PTPRN2: variants seen among roughly 807,000 people sequenced by gnomAD.
The protein encoded by PTPRN2 is receptor-type tyrosine-protein phosphatase N2.
PTPRN2 carries 74 observed loss-of-function variants against 118.8 expected under a neutral mutation model. The ratio of observed to expected loss-of-function variants is 0.62; its 90% CI spans 0.52 to 0.76. The LOEUF is 0.76. Among genes scored for constraint, PTPRN2 ranks in the 30% least tolerant of loss-of-function variants. The pLI is 0.00. For missense variants in PTPRN2, 1,481 were observed against 1,394.4 expected (o/e 1.06, Z -0.99); for synonymous variants, 641 against 608.0 (o/e 1.05, Z -0.80).
At chr7:157,642,104 A>C (rs75688486) in intron 14 of PTPRN2, among the ~76,000 whole-genome samples, 1 of 152,214 alleles carries the variant, frequency 6.6e-6, no homozygotes. Context: ...ACTCCCGTCA[A>C]GGACAGAGAC....
chr7:158,439,958 T>G (rs1816863318), intron 2 of PTPRN2, among the ~76,000 whole-genome samples: 3 of 152,228 alleles, frequency 2.0e-5, no homozygotes, highest in Admixed American at 6.5e-5. Flanking sequence ...TGGGGTTCTG[T>G]GACATCATGT....
chr7:157,726,658 T>C (rs1298711096), intron 12 of PTPRN2, among the ~76,000 whole-genome samples: 1 of 152,222 alleles, frequency 6.6e-6, no homozygotes, highest in East Asian at 1.9e-4. Flanking sequence ...ATAAATTGGG[T>C]TTGATGACAC....
chr7:158,274,854 G>T (rs1354657617), intron 3 of PTPRN2, among the ~76,000 whole-genome samples: 5 of 152,178 alleles, frequency 3.3e-5, no homozygotes, highest in Non-Finnish European at 7.4e-5. Flanking sequence ...TGTTTCTGAA[G>T]AATTCATTCC....
At chr7:158,353,942 G>A (rs1276215790) in intron 2 of PTPRN2, among the ~76,000 whole-genome samples, 1 of 152,190 alleles carries the variant, frequency 6.6e-6, no homozygotes, top group Non-Finnish European at 1.5e-5. Context: ...TGGGGCTACT[G>A]TCCCCAGCCC....
intron 12 of PTPRN2, among the ~76,000 whole-genome samples, chr7:157,812,644 C>G (rs1806129454): frequency 6.6e-6 from 1 of 152,114 alleles, no homozygotes; most frequent in Admixed American, 6.5e-5. Flanking sequence ...ATGGACGGCT[C>G]ATCTGTGCTT....
chr7:158,275,275 G>C (rs796840725), intron 3 of PTPRN2, among the ~76,000 whole-genome samples: 8 of 152,132 alleles, frequency 5.3e-5, no homozygotes, highest in Admixed American at 5.2e-4. Context: ...CCACTTCCTC[G>C]GAGGGCCTCT....
At chr7:158,429,835 C>T (rs1314265396) in intron 2 of PTPRN2, among the ~76,000 whole-genome samples, 1 of 152,222 alleles carries the variant, frequency 6.6e-6, no homozygotes, top group Non-Finnish European at 1.5e-5. Context: ...TCCAAATCTC[C>T]AAACAAAAGT....
intron 13 of PTPRN2, among the ~76,000 whole-genome samples, chr7:157,669,998 C>T (rs1033287504): frequency 1.3e-5 from 2 of 152,314 alleles, no homozygotes; most frequent in East Asian, 3.9e-4. Context: ...CCTCGCTGAG[C>T]CCCTGCACAC....
At chr7:158,121,998 C>A (rs1159913205) in intron 9 of PTPRN2, among the ~76,000 whole-genome samples, 1 of 152,192 alleles carries the variant, frequency 6.6e-6, no homozygotes, top group Non-Finnish European at 1.5e-5. Flanking sequence ...CATTCCGAGG[C>A]CTGAACTTCC....
At chr7:157,847,017 C>T (rs1156469351) in intron 12 of PTPRN2, among the ~76,000 whole-genome samples, 2 of 151,328 alleles carry the variant, frequency 1.3e-5, no homozygotes, top group Admixed American at 1.3e-4. Context: ...AGAGCCCTCC[C>T]TCACTACATC....
intron 12 of PTPRN2, among the ~76,000 whole-genome samples, chr7:157,880,359 C>T (rs1320079401): frequency 1.3e-5 from 2 of 152,208 alleles, no homozygotes; most frequent in Admixed American, 1.3e-4. Flanking sequence ...AAATACATCG[C>T]AAAGGAAAAG....
At chr7:158,495,524 T>C (rs1185674012) in intron 1 of PTPRN2, among the ~76,000 whole-genome samples, 1 of 151,948 alleles carries the variant, frequency 6.6e-6, no homozygotes. Flanking sequence ...TGCTGGCAGG[T>C]GGGCATTGCC....
intron 11 of PTPRN2, among the ~76,000 whole-genome samples, chr7:157,919,657 C>T (rs975787833): frequency 1.7e-4 from 26 of 152,268 alleles, no homozygotes; most frequent in African/African-American, 5.8e-4. Flanking sequence ...AAGTAAAACA[C>T]CTCAAATTCT....
intron 3 of PTPRN2, among the ~76,000 whole-genome samples, chr7:158,264,680 C>CGGG (rs1563058025): frequency 5.9e-5 from 9 of 152,260 alleles, no homozygotes; most frequent in Admixed American, 2.6e-4. Flanking sequence ...GGCCGGGAGC[C>CGGG]AGGAGCCGTG....
chr7:157,693,912 C>T (rs1797646318), intron 12 of PTPRN2, among the ~76,000 whole-genome samples: 1 of 152,234 alleles, frequency 6.6e-6, no homozygotes, highest in Non-Finnish European at 1.5e-5. Flanking sequence ...TCAGTCTCCA[C>T]GGCGGCGCAG....
At chr7:158,151,945 G>A (rs60853443) in intron 6 of PTPRN2, among the ~76,000 whole-genome samples, 15,555 of 151,970 alleles carry the variant, frequency 0.1, 833 homozygotes, top group African/African-American at 0.13. Context: ...AGGCCGAGGC[G>A]GGTGGATCAC....
chr7:158,166,298 T>C (rs1822974076), intron 6 of PTPRN2, among the ~76,000 whole-genome samples: 1 of 25,604 alleles, frequency 3.9e-5, no homozygotes, highest in East Asian at 1.3e-3. Flanking sequence ...CAGGATCATC[T>C]CCTCCTCCCC....
chr7:157,850,695 T>C (rs1199617195), intron 12 of PTPRN2, among the ~76,000 whole-genome samples: 1 of 152,196 alleles, frequency 6.6e-6, no homozygotes, highest in Admixed American at 6.5e-5. Context: ...AGGTGTAGAA[T>C]AGCCTGGGAT....
chr7:158,534,116 T>C lies in PTPRN2; in HGVS notation c.113-44331A>G, dbSNP rs34979453. 8.5e-3 allele frequency among the ~76,000 whole-genome samples: 592 copies of C among 69,652 alleles called. 14 individuals carry two copies. The highest frequency in any genetic ancestry group is 0.016 in the East Asian group (18 of 1,110). The allele number at this position is 69,652 out of a possible 152,430, so 45.7% of individuals were successfully genotyped here. Reference sequence around the variant, plus strand: ...GTGCAGGTTGTGACCACCCACGCCCTGGGCTCCGTCAGGGATGGCTGTGGG... The same window carrying C: ...GTGCAGGTTGTGACCACCCACGCCCCGGGCTCCGTCAGGGATGGCTGTGGG... On this transcript the variant is annotated intron_variant, in intron 1 of 22. Transcript: ENST00000389418.
Sources: allele counts gnomAD v4.1 joint callset (sites outside exome capture counted in the v4.1 genomes callset), GRCh38; gene constraint gnomAD v4.1.1; transcripts MANE v1.5; gene names NCBI Gene and HGNC (gene_info 2026-07-23, HGNC 2026-07-21).